The following SENP8 variants were observed in gnomAD, a reference collection of about 807,000 sequenced individuals.
SENP8 encodes SUMO peptidase family member, NEDD8 specific.
Under a neutral mutation model 14.4 loss-of-function variants are expected in SENP8, and 10 were observed. The ratio of observed to expected loss-of-function variants is 0.69; its 90% CI spans 0.43 to 1.18. SENP8 has a LOEUF of 1.18. SENP8 is among the 50% of genes most tolerant of loss of function. The probability of loss-of-function intolerance (pLI) is 0.00; values close to 1 mark genes in which losing one functional copy is unlikely to be tolerated. For synonymous variants in SENP8, 94 were observed against 95.5 expected (o/e 0.98, Z 0.09); for missense variants, 202 against 249.4 (o/e 0.81, Z 1.28).
chr15:72,130,625 G>C (rs1280734938), intron 1 of SENP8, among the ~76,000 whole-genome samples: 1 of 147,186 alleles, frequency 6.8e-6, no homozygotes, highest in South Asian at 2.1e-4. Context: ...GTGCAATGGC[G>C]TGATCTCGGC....
At chr15:72,134,036 C>T (rs1012011415) in intron 1 of SENP8, among the ~76,000 whole-genome samples, 4 of 152,096 alleles carry the variant, frequency 2.6e-5, no homozygotes, top group African/African-American at 9.7e-5. Flanking sequence ...GCAACCTCTG[C>T]CTCCTGGGTT....
chr15:72,126,345 C>T (rs1187096827), intron 1 of SENP8, among the ~76,000 whole-genome samples: 18 of 152,106 alleles, frequency 1.2e-4, no homozygotes, highest in Non-Finnish European at 1.5e-5. Context: ...ATTTCCGGGC[C>T]AGGCACAGTG....
intron 1 of SENP8, among the ~76,000 whole-genome samples, chr15:72,125,124 G>GCACACA (rs1437740426): frequency 2.6e-5 from 4 of 152,028 alleles, no homozygotes; most frequent in Admixed American, 6.5e-5. Context: ...TGCACACATT[G>GCACACA]TTAATGTCTC....
At chr15:72,132,351 A>G (rs909901861) in intron 1 of SENP8, among the ~76,000 whole-genome samples, 5 of 152,152 alleles carry the variant, frequency 3.3e-5, no homozygotes, top group African/African-American at 9.7e-5. Context: ...AAAGCATAAA[A>G]CCAAAGAATA....
At chr15:72,139,473 A>G (rs926143686) in intron 1 of SENP8, 104 bp from the exon 2 acceptor site, 5 of 1,130,548 alleles carry the variant, frequency 4.4e-6, no homozygotes, top group Non-Finnish European at 5.0e-6. Flanking sequence ...ACCTTGTCCA[A>G]GGGTCAACTG....
rs1277907185 is a variant in SENP8 at position 72,140,751 on chromosome 15, C to T, written c.*489C>T. ...TGGCTGGAAGCAGATCAAGGCCTAACTTCATTCAAGACCTAAATATTATGA... is the reference window on the plus strand; with the variant it reads ...TGGCTGGAAGCAGATCAAGGCCTAATTTCATTCAAGACCTAAATATTATGA... On this transcript the variant is annotated 3_prime_UTR_variant, in exon 2 of 2. Transcript: ENST00000340912. The T allele has an allele frequency of 1.2e-5, 2 of 169,538 alleles. No individual in the cohort carries two copies. Among genetic ancestry groups the T allele is most frequent in the African/African-American group, 2.4e-5 (1 of 41,480 alleles). The allele number at this position is 169,538 out of a possible 1,614,324, so 10.5% of individuals were successfully genotyped here.
At chr15:72,134,104 C>T (rs1157575587) in intron 1 of SENP8, among the ~76,000 whole-genome samples, 1 of 152,118 alleles carries the variant, frequency 6.6e-6, no homozygotes, top group African/African-American at 2.4e-5. Flanking sequence ...ACCCACCATG[C>T]CCCGCTAATT....
Position 72,143,339 on chromosome 15 carries a change from T to C in SENP8, c.*3077T>C, listed in dbSNP as rs1349882842. The C allele has an allele frequency of 6.6e-6, 1 of 152,230 alleles. No individual in the cohort carries two copies. Among genetic ancestry groups the C allele is most frequent in the Non-Finnish European group, 1.5e-5 (1 of 68,048 alleles). 9.4% of individuals were successfully genotyped at this position (152,230 alleles called of 1,614,324 possible). A position where few individuals can be genotyped will look rare whatever the true frequency, so the allele number is the denominator to read the frequency against. Reference sequence around the variant, plus strand: ...CCTTCTGTCCTACTCAGTTCCATTTTAAGACTAACAACAAGTTTGAAAACT... The same window carrying C: ...CCTTCTGTCCTACTCAGTTCCATTTCAAGACTAACAACAAGTTTGAAAACT... On this transcript the variant is annotated 3_prime_UTR_variant, in exon 2 of 2. Transcript: ENST00000340912.
At chr15:72,136,997 TCTC>T (rs896874695) in intron 1 of SENP8, among the ~76,000 whole-genome samples, 19 of 152,182 alleles carry the variant, frequency 1.2e-4, no homozygotes, top group African/African-American at 4.6e-4. Flanking sequence ...TTGTCTTGCT[TCTC>T]CTCTAAATTA....
intron 1 of SENP8, among the ~76,000 whole-genome samples, chr15:72,138,996 A>G (rs2081354442): frequency 1.3e-5 from 2 of 151,484 alleles, no homozygotes; most frequent in African/African-American, 4.8e-5. Context: ...CTTTACTACC[A>G]ATAACATAGC....
chr15:72,124,204 A>G (rs1350414815), intron 1 of SENP8, among the ~76,000 whole-genome samples: 1 of 152,178 alleles, frequency 6.6e-6, no homozygotes, highest in Non-Finnish European at 1.5e-5. Flanking sequence ...GAGTTTTTCA[A>G]GATATGTTTC....
At position 72,142,105 on chromosome 15, in the gene SENP8, T is replaced by C. The variant is rs912720524; in HGVS notation, c.*1843T>C. The C allele has an allele frequency of 2.0e-5, 3 of 152,154 alleles. No individual in the cohort carries two copies. Among genetic ancestry groups the C allele is most frequent in the African/African-American group, 7.2e-5 (3 of 41,422 alleles). 9.4% of individuals were successfully genotyped at this position (152,154 alleles called of 1,614,324 possible). On this transcript the variant is annotated 3_prime_UTR_variant, in exon 2 of 2. Coordinates refer to ENST00000340912, the MANE Select transcript of SENP8 (RefSeq NM_145204.4). ...TTCATCTTATAAGTAAATTTATAAG[T>C]AAATTTTTAAACTACACTAGTCTTT...
At chr15:72,120,604 A>C (rs1445761246) in intron 1 of SENP8, among the ~76,000 whole-genome samples, 1 of 152,214 alleles carries the variant, frequency 6.6e-6, no homozygotes, top group Non-Finnish European at 1.5e-5. Context: ...TCTCAGAAAA[A>C]TGTTCTTAAA....
At chr15:72,117,778 G>C (rs2081053850), upstream of SENP8, 1 of 398,084 alleles carries the variant, frequency 2.5e-6, no homozygotes, top group South Asian at 1.3e-4. Context: ...GGCAGAAGAG[G>C]CCGAGGCCAC....
In SENP8 at chr15:72,141,110, G is replaced by A. The variant is rs1596662592; in HGVS notation, c.*848G>A. On this transcript the variant is annotated 3_prime_UTR_variant, in exon 2 of 2. Transcript: ENST00000340912. ...AATTCATAGTTGATACCTTCCCAAG[G>A]TTACCTGTTGTTTCAGATAAACATT... 6.4e-6 allele frequency: 1 copy of A among 156,102 alleles called. No individual in the cohort carries two copies. The highest frequency in any genetic ancestry group is 1.9e-4 in the East Asian group (1 of 5,190). The allele number at this position is 156,102 out of a possible 1,614,324, so 9.7% of individuals were successfully genotyped here.
intron 1 of SENP8, among the ~76,000 whole-genome samples, chr15:72,132,300 C>T (rs945765642): frequency 1.3e-4 from 20 of 152,000 alleles, no homozygotes; most frequent in African/African-American, 4.3e-4. Context: ...TAACTCTAAA[C>T]GAATTTACTA....
intron 1 of SENP8, among the ~76,000 whole-genome samples, chr15:72,124,780 AAAG>A (rs1398985628): frequency 6.6e-6 from 1 of 152,110 alleles, no homozygotes; most frequent in Non-Finnish European, 1.5e-5. Context: ...CATTATTAAA[AAAG>A]GGGGAAAAAT....
chr15:72,119,643 G>A (rs999425709), intron 1 of SENP8, among the ~76,000 whole-genome samples: 2 of 152,198 alleles, frequency 1.3e-5, no homozygotes, highest in African/African-American at 2.4e-5. Flanking sequence ...AGCTACTCGG[G>A]AGGCCAAGGC....
intron 1 of SENP8, among the ~76,000 whole-genome samples, chr15:72,121,081 A>G (rs778709602): frequency 6.6e-6 from 1 of 152,098 alleles, no homozygotes; most frequent in African/African-American, 2.4e-5. Flanking sequence ...TCACTTCCCA[A>G]CCTCTCTGCT....
Sources: gnomAD v4.1 joint callset for allele counts (sites outside exome capture counted in the v4.1 genomes callset) on GRCh38, gnomAD v4.1.1 for gene constraint, MANE v1.5 for transcripts, NCBI Gene and HGNC (gene_info 2026-07-23, HGNC 2026-07-21) for gene names.